The following GGA2 variants were observed in gnomAD, a reference collection of about 807,000 sequenced individuals.
GGA2 encodes the protein ADP-ribosylation factor-binding protein GGA2.
A neutral mutation model predicts 79.5 loss-of-function variants in GGA2; 48 were observed. That is an observed-to-expected ratio of 0.60 (90% CI 0.48 to 0.77). The LOEUF is 0.77. Ranked by LOEUF, GGA2 falls within the 30% of genes least tolerant of loss-of-function variation. The probability of loss-of-function intolerance (pLI) is 0.00; values close to 1 mark genes in which losing one functional copy is unlikely to be tolerated. For synonymous variants in GGA2, 317 were observed against 302.0 expected (o/e 1.05, Z -0.51); for missense variants, 770 against 774.0 (o/e 0.99, Z 0.06).
intron 6 of GGA2, 93 bp from the exon 7 acceptor site, chr16:23,486,883 A>C (rs1043936909): frequency 8.6e-5 from 68 of 794,502 alleles, no homozygotes; most frequent in Non-Finnish European, 3.9e-5. Flanking sequence ...CACTAACAAC[A>C]GTGCACACAT....
chr16:23,524,345 TC>T, upstream of GGA2: 1 of 1,599,980 alleles, frequency 6.3e-7, no homozygotes, highest in Non-Finnish European at 8.6e-7. Flanking sequence ...CTTAGGGCGA[TC>T]TCCACTGCCC....
chr16:23,510,076 C>G (rs1466194850), intron 1 of GGA2, among the ~76,000 whole-genome samples: 6 of 70,868 alleles, frequency 8.5e-5, no homozygotes, highest in Non-Finnish European at 1.1e-4. Context: ...TGTGCTGCTG[C>G]TAAGTTGGGG....
At position 23,465,318 on chromosome 16, in the gene GGA2, A is replaced by G; in HGVS notation, c.*2272T>C. 1 of 702,784 alleles carries G rather than the reference A, an allele frequency of 1.4e-6. No homozygotes were observed. Among genetic ancestry groups the G allele is most frequent in the Non-Finnish European group, 2.6e-6 (1 of 384,808 alleles). 43.5% of individuals were successfully genotyped at this position (702,784 alleles called of 1,614,324 possible). ...CTTGTTAAGTGAATGAAGAGGTAGG[A>G]GCTGGGCTCTAAGTGGCCACTGGAC... On this transcript the variant is annotated 3_prime_UTR_variant, in exon 17 of 17. Coordinates refer to ENST00000309859, the MANE Select transcript of GGA2 (RefSeq NM_015044.4).
At chr16:23,512,716 T>G (rs1052630844), upstream of GGA2, among the ~76,000 whole-genome samples, 4 of 138,516 alleles carry the variant, frequency 2.9e-5, no homozygotes, top group African/African-American at 1.1e-4. Context: ...TTTTTTTTTT[T>G]TTTTTTTTTT....
rs533605109 is a variant in GGA2 at position 23,463,689 on chromosome 16, T to G, written c.*3901A>C. 5 of 152,264 alleles carry G rather than the reference T, an allele frequency of 3.3e-5. No homozygotes were observed. The East Asian group carries it at 9.7e-4, about 29-fold the overall frequency. 9.4% of individuals were successfully genotyped at this position (152,264 alleles called of 1,614,324 possible). ...TGCATCGCTTGGCTTTAAAACAAAC[T>G]GGGGTCAGGACATGGTGGCTCATGC... On this transcript the variant is annotated 3_prime_UTR_variant, in exon 17 of 17. Coordinates refer to ENST00000309859, the MANE Select transcript of GGA2 (RefSeq NM_015044.4).
intron 1 of GGA2, among the ~76,000 whole-genome samples, chr16:23,499,904 G>A (rs1015534100): frequency 1.3e-4 from 20 of 152,298 alleles, no homozygotes; most frequent in Middle Eastern, 3.4e-3. Context: ...GGTGAACCAC[G>A]TGCCTAGGCT....
At chr16:23,497,203 C>T (rs1412695129) in intron 1 of GGA2, among the ~76,000 whole-genome samples, 1 of 152,054 alleles carries the variant, frequency 6.6e-6, no homozygotes, top group Non-Finnish European at 1.5e-5. Context: ...CTGGTTCTGA[C>T]AGAGCAGCTC....
chr16:23,491,194 C>A (rs549307519), intron 5 of GGA2, among the ~76,000 whole-genome samples: 1 of 149,842 alleles, frequency 6.7e-6, no homozygotes, highest in South Asian at 2.1e-4. Flanking sequence ...GTAGTCCCAG[C>A]TGCTTGGGAG....
chr16:23,510,016 C>T (rs1317888030), intron 1 of GGA2, among the ~76,000 whole-genome samples: 1 of 144,212 alleles, frequency 6.9e-6, no homozygotes, highest in African/African-American at 2.6e-5. Context: ...CAGTGCCTGG[C>T]GCAGGGGAAA....
chr16:23,518,668 G>A (rs1011426368), intron 2 of GGA2, among the ~76,000 whole-genome samples: 7 of 151,828 alleles, frequency 4.6e-5, no homozygotes, highest in Admixed American at 4.6e-4. Flanking sequence ...GGCAAATCTT[G>A]CAAAAGAGGA....
chr16:23,465,393 A>T lies in GGA2; in HGVS notation c.*2197T>A. The T allele has an allele frequency of 1.4e-6, 1 of 703,024 alleles. No individual in the cohort carries two copies. 43.5% of individuals were successfully genotyped at this position (703,024 alleles called of 1,614,324 possible). ...CATAAACCACAGCCACTTTCAGGAC[A>T]GCAGCCTGCCTCCTCTCCTCCTACC... On this transcript the variant is annotated 3_prime_UTR_variant, in exon 17 of 17. Coordinates refer to ENST00000309859, the MANE Select transcript of GGA2 (RefSeq NM_015044.4).
At chr16:23,474,682 C>T (rs909672564) in intron 14 of GGA2, among the ~76,000 whole-genome samples, 2 of 151,652 alleles carry the variant, frequency 1.3e-5, no homozygotes, top group Admixed American at 6.6e-5. Context: ...AAACTCCTGG[C>T]CTCAAGTGAT....
intron 1 of GGA2, chr16:23,501,242 C>T (rs1335564859): frequency 8.9e-6 from 4 of 451,414 alleles, no homozygotes; most frequent in Non-Finnish European, 1.8e-5. Flanking sequence ...GTACATCGAA[C>T]GACTTTTAAC....
intron 1 of GGA2, among the ~76,000 whole-genome samples, chr16:23,497,985 A>C (rs545085567): frequency 1.3e-5 from 2 of 152,286 alleles, no homozygotes; most frequent in South Asian, 4.1e-4. Flanking sequence ...ATTTTTAAAA[A>C]AAATTAGTCA....
At chr16:23,486,540 C>T (rs1432872412) in intron 7 of GGA2, among the ~76,000 whole-genome samples, 170 bp downstream of exon 7, 1 of 152,194 alleles carries the variant, frequency 6.6e-6, no homozygotes, top group African/African-American at 2.4e-5. Flanking sequence ...TTCCAATCAC[C>T]ACCTTGCTGC....
rs1289808982 is a variant in GGA2 at position 23,491,687 on chromosome 16, C to T, written c.465G>A (p.Leu155=). 2 of 1,613,144 alleles carry T rather than the reference C, an allele frequency of 1.2e-6. No homozygotes were observed. The highest frequency in any genetic ancestry group is 1.7e-6 in the Non-Finnish European group (2 of 1,179,306). The part of the protein sequence containing the change: ...DIKIRDAYQM[L]KKQGIIKQDP... Reference sequence around the variant, plus strand: ...TAAGGCAAGTCAGACCTTGTTTCTTCAGCATCTGATAAGCGTCTCGAATCT... The same window carrying T: ...TAAGGCAAGTCAGACCTTGTTTCTTTAGCATCTGATAAGCGTCTCGAATCT... The change falls in exon 5 of 17, where the codon CTG becomes CTA. Residue 155 remains leucine (L), a synonymous_variant. Transcript: ENST00000309859.
chr16:23,486,277 A>G, intron 7 of GGA2, 125 bp from the exon 8 acceptor site: 2 of 796,390 alleles, frequency 2.5e-6, no homozygotes, highest in Non-Finnish European at 4.1e-6. Context: ...TGTTAAGTGC[A>G]TGGGAGAACT....
upstream of GGA2, chr16:23,524,217 C>G: frequency 1.4e-6 from 1 of 706,934 alleles, no homozygotes; most frequent in East Asian, 2.5e-5. Context: ...TGTGGTGGAT[C>G]ACAAATGCAC....
chr16:23,480,069 G>A (rs1964628690), intron 10 of GGA2, among the ~76,000 whole-genome samples, 182 bp from the exon 11 acceptor site: 1 of 152,152 alleles, frequency 6.6e-6, no homozygotes, highest in African/African-American at 2.4e-5. Flanking sequence ...TCCAAGACAA[G>A]AGGGAGCCAA....
Sources: allele counts gnomAD v4.1 joint callset (sites outside exome capture counted in the v4.1 genomes callset), GRCh38; gene constraint gnomAD v4.1.1; transcripts MANE v1.5; gene names NCBI Gene and HGNC (gene_info 2026-07-23, HGNC 2026-07-21).